Variants in ADAMTSL3 observed in about 807,000 individuals in gnomAD.
ADAMTSL3 encodes ADAMTS-like protein 3.
A neutral mutation model predicts 201.7 loss-of-function variants in ADAMTSL3; 128 were observed. The ratio of observed to expected loss-of-function variants is 0.63; its 90% CI spans 0.55 to 0.73. ADAMTSL3 has a LOEUF of 0.73. Among genes scored for constraint, ADAMTSL3 ranks in the 30% least tolerant of loss-of-function variants. The pLI is 0.00. For synonymous variants in ADAMTSL3, 738 were observed against 748.4 expected (o/e 0.99, Z 0.23); for missense variants, 1,990 against 2,119.6 (o/e 0.94, Z 1.20).
intron 27 of ADAMTSL3, among the ~76,000 whole-genome samples, chr15:84,025,796 GA>G (rs1398342628): frequency 1.3e-5 from 2 of 152,168 alleles, no homozygotes; most frequent in South Asian, 2.1e-4. Flanking sequence ...TGCCACCTTT[GA>G]TAATGTTATA....
chr15:84,009,037 G>A (rs572811245), intron 23 of ADAMTSL3, among the ~76,000 whole-genome samples: 6 of 152,114 alleles, frequency 3.9e-5, no homozygotes, highest in African/African-American at 1.4e-4. Flanking sequence ...CCAAGTCACC[G>A]TCATCTCTAG....
intron 25 of ADAMTSL3, among the ~76,000 whole-genome samples, chr15:84,016,770 T>C (rs1005605175): frequency 2.0e-5 from 3 of 152,240 alleles, no homozygotes; most frequent in Admixed American, 2.0e-4. Context: ...GATATTGATT[T>C]CCAGTTTCAA....
chr15:83,885,053 C>A, intron 9 of ADAMTSL3, 48 bp from the exon 10 acceptor site: 1 of 1,272,282 alleles, frequency 7.9e-7, no homozygotes, highest in Non-Finnish European at 1.1e-6. Flanking sequence ...GTGTGGAAAG[C>A]ACTAGCTCCT....
intron 2 of ADAMTSL3, among the ~76,000 whole-genome samples, chr15:83,693,139 T>C (rs1200050775): frequency 6.6e-6 from 1 of 152,190 alleles, no homozygotes; most frequent in East Asian, 1.9e-4. Flanking sequence ...ATACACAGAT[T>C]TGTCTGATAC....
chr15:83,913,272 G>C lies in ADAMTSL3; in HGVS notation c.1881G>C (p.Glu627Asp), dbSNP rs2065967384. The change falls in exon 16 of 30, where the codon GAG becomes GAC. Residue 627 changes from glutamate to aspartate, a missense_variant. Coordinates refer to ENST00000286744, the MANE Select transcript of ADAMTSL3 (RefSeq NM_207517.3). Reference sequence around the variant, plus strand: ...CCTGCCTCCTGGAAGCATGTGATGAGAGCCCGGCCTCCCGAGAGCTAGACA... The same window carrying C: ...CCTGCCTCCTGGAAGCATGTGATGACAGCCCGGCCTCCCGAGAGCTAGACA... ...ERPCLLEACD[E>D]SPASRELDIP... 1 of 1,613,964 alleles carries C rather than the reference G, an allele frequency of 6.2e-7. No individual in the cohort carries two copies. Among genetic ancestry groups the C allele is most frequent in the African/African-American group, 1.3e-5 (1 of 74,910 alleles).
At chr15:83,771,592 A>G (rs1035048298) in intron 3 of ADAMTSL3, among the ~76,000 whole-genome samples, 4 of 152,162 alleles carry the variant, frequency 2.6e-5, no homozygotes, top group Admixed American at 1.3e-4. Context: ...CTCAAGATTC[A>G]TCCATATTGT....
intron 15 of ADAMTSL3, among the ~76,000 whole-genome samples, chr15:83,909,553 T>A (rs2065896762): frequency 6.6e-6 from 1 of 152,206 alleles, no homozygotes. Context: ...ATCAATTTTA[T>A]AGAGATGTAG....
At chr15:83,887,715 G>A (rs1596359272) in intron 10 of ADAMTSL3, among the ~76,000 whole-genome samples, 1 of 152,128 alleles carries the variant, frequency 6.6e-6, no homozygotes, top group African/African-American at 2.4e-5. Flanking sequence ...TCAGCTTCCC[G>A]AGTAGCTGGA....
intron 3 of ADAMTSL3, among the ~76,000 whole-genome samples, chr15:83,715,115 C>T (rs2061999011): frequency 6.6e-6 from 1 of 151,988 alleles, no homozygotes; most frequent in South Asian, 2.1e-4. Flanking sequence ...CTTACTTATC[C>T]AAACAACAAA....
At chr15:83,842,537 GA>G (rs141208267) in intron 7 of ADAMTSL3, among the ~76,000 whole-genome samples, 2,431 of 152,294 alleles carry the variant, frequency 0.016, 69 homozygotes, top group African/African-American at 0.054. Flanking sequence ...CTGAGAGGGG[GA>G]TAAGGGAACT....
At chr15:83,997,398 G>A (rs1214046350) in intron 23 of ADAMTSL3, among the ~76,000 whole-genome samples, 2 of 152,120 alleles carry the variant, frequency 1.3e-5, no homozygotes, top group Non-Finnish European at 2.9e-5. Context: ...GACCAGCCTG[G>A]CCAATATGAT....
intron 3 of ADAMTSL3, among the ~76,000 whole-genome samples, chr15:83,754,804 T>C (rs2062692863): frequency 6.6e-6 from 1 of 152,180 alleles, no homozygotes; most frequent in Non-Finnish European, 1.5e-5. Context: ...TTGAGATGAA[T>C]GTTTGATCAC....
chr15:83,968,772 A>G (rs1037822494), intron 19 of ADAMTSL3, among the ~76,000 whole-genome samples: 1 of 152,230 alleles, frequency 6.6e-6, no homozygotes, highest in Non-Finnish European at 1.5e-5. Flanking sequence ...ATGCCCATCA[A>G]TAATAGACTG....
chr15:83,812,624 C>G (rs1008693463), intron 5 of ADAMTSL3, among the ~76,000 whole-genome samples: 5 of 151,738 alleles, frequency 3.3e-5, no homozygotes, highest in African/African-American at 1.2e-4. Context: ...TGTTAGTGAG[C>G]CTTGGAGATC....
intron 7 of ADAMTSL3, among the ~76,000 whole-genome samples, chr15:83,852,656 T>G (rs1217385425): frequency 6.6e-6 from 1 of 152,208 alleles, no homozygotes; most frequent in Non-Finnish European, 1.5e-5. Context: ...CTCCTGCTAA[T>G]TTGTGTTTTT....
chr15:83,914,648 A>G (rs2065996141), intron 16 of ADAMTSL3, among the ~76,000 whole-genome samples: 1 of 152,128 alleles, frequency 6.6e-6, no homozygotes, highest in Non-Finnish European at 1.5e-5. Flanking sequence ...CTAAAAGTCC[A>G]TGCCATCTAG....
intron 15 of ADAMTSL3, among the ~76,000 whole-genome samples, chr15:83,901,735 G>A (rs1314583443): frequency 6.7e-6 from 1 of 148,718 alleles, no homozygotes; most frequent in Admixed American, 6.6e-5. Flanking sequence ...ACTGTATAAG[G>A]AAGGCATTAG....
In ADAMTSL3 at chr15:83,980,924, A is replaced by G. The variant is rs76536689; in HGVS notation, c.2645-1349A>G. ...CCAGCGCCAAGGGCCTGAGAAGGCT[A>G]TGAAAGAGAAGTCTCAATCTGCTTC... On this transcript the variant is annotated intron_variant, in intron 20 of 29. Coordinates refer to ENST00000286744, the MANE Select transcript of ADAMTSL3 (RefSeq NM_207517.3). 5.9e-3 allele frequency among the ~76,000 whole-genome samples: 903 copies of G among 152,338 alleles called. 5 individuals carry two copies. Among genetic ancestry groups the G allele is most frequent in the African/African-American group, 0.021 (872 of 41,586 alleles).
intron 15 of ADAMTSL3, among the ~76,000 whole-genome samples, chr15:83,902,789 T>A (rs2065752218): frequency 1.3e-5 from 2 of 152,140 alleles, no homozygotes; most frequent in Admixed American, 1.3e-4. Flanking sequence ...GCCTCTTGCC[T>A]CCTCTTTAAT....
Sources: gnomAD v4.1 joint callset for allele counts (sites outside exome capture counted in the v4.1 genomes callset) on GRCh38, gnomAD v4.1.1 for gene constraint, MANE v1.5 for transcripts, NCBI Gene and HGNC (gene_info 2026-07-23, HGNC 2026-07-21) for gene names.